The following SLC16A9 variants were observed in gnomAD, a reference collection of about 807,000 sequenced individuals.
SLC16A9 encodes the protein solute carrier family 16 member 9, also known as monocarboxylate transporter 9.
SLC16A9 carries 26 observed loss-of-function variants against 44.3 expected under a neutral mutation model. The observed-to-expected ratio is 0.59, with a 90% confidence interval of 0.43 to 0.81. SLC16A9 has a LOEUF of 0.81. Among genes scored for constraint, SLC16A9 ranks in the 40% least tolerant of loss-of-function variants. The pLI, the probability that SLC16A9 is intolerant of heterozygous loss-of-function variation, is 0.00. For synonymous variants in SLC16A9, 230 were observed against 225.1 expected (o/e 1.02, Z -0.19); for missense variants, 559 against 595.8 (o/e 0.94, Z 0.64).
At chr10:59,689,199 C>A (rs1257364723) in intron 1 of SLC16A9, among the ~76,000 whole-genome samples, 1 of 152,134 alleles carries the variant, frequency 6.6e-6, no homozygotes, top group East Asian at 1.9e-4. Flanking sequence ...GTTAAAACTA[C>A]CATTGAGTGA....
At chr10:59,705,754 T>C (rs1457321958) in intron 1 of SLC16A9, among the ~76,000 whole-genome samples, 1 of 152,198 alleles carries the variant, frequency 6.6e-6, no homozygotes, top group Non-Finnish European at 1.5e-5. Context: ...GAAGTGAATA[T>C]TGAGATTTTA....
intron 1 of SLC16A9, among the ~76,000 whole-genome samples, chr10:59,707,184 C>T (rs369148668): frequency 4.9e-5 from 7 of 142,962 alleles, no homozygotes; most frequent in African/African-American, 1.8e-4. Context: ...CTGGTGAAGT[C>T]GAGGCTGCAG....
Position 59,684,075 on chromosome 10 carries a change from G to A in SLC16A9, c.196+21C>T, listed in dbSNP as rs772422469. ...ATTAAATGATTAAAGAGTAAAGAGA[G>A]GCATTAATTTATCCACTTACTTGCA... On this transcript the variant is annotated intron_variant, in intron 2 of 5. Coordinates refer to ENST00000395348, the MANE Select transcript of SLC16A9 (RefSeq NM_194298.3). 6.3e-6 allele frequency: 10 copies of A among 1,590,722 alleles called. No homozygotes were observed. In the South Asian group the frequency reaches 1.1e-4, roughly 18 times the overall value.
chr10:59,695,982 G>C (rs1221637564), intron 1 of SLC16A9, among the ~76,000 whole-genome samples: 1 of 152,122 alleles, frequency 6.6e-6, no homozygotes, highest in Non-Finnish European at 1.5e-5. Context: ...CATTTCTCTA[G>C]CATCTGGTTC....
intron 4 of SLC16A9, among the ~76,000 whole-genome samples, chr10:59,660,315 G>A (rs975302713): frequency 2.6e-5 from 4 of 151,910 alleles, no homozygotes; most frequent in Non-Finnish European, 5.9e-5. Flanking sequence ...AATGATAAAG[G>A]GGAGATCACC....
At chr10:59,660,366 T>A (rs1485704865) in intron 4 of SLC16A9, among the ~76,000 whole-genome samples, 1 of 152,082 alleles carries the variant, frequency 6.6e-6, no homozygotes, top group Non-Finnish European at 1.5e-5. Context: ...GAGAATACTA[T>A]AAACACCTCT....
chr10:59,662,476 A>G (rs769877398), intron 4 of SLC16A9, among the ~76,000 whole-genome samples: 59 of 151,842 alleles, frequency 3.9e-4, no homozygotes, highest in Non-Finnish European at 1.0e-4. Flanking sequence ...CTCTACTAAA[A>G]ATACAAAAAT....
In SLC16A9 at chr10:59,652,637, T is replaced by C; in HGVS notation, c.*135A>G. 3 of 722,096 alleles carry C rather than the reference T, an allele frequency of 4.2e-6. No homozygotes were observed. The highest frequency in any genetic ancestry group is 4.0e-4 in the Middle Eastern group (1 of 2,514). The allele number at this position is 722,096 out of a possible 1,614,324, so 44.7% of individuals were successfully genotyped here. A position where few individuals can be genotyped will look rare whatever the true frequency, so the allele number is the denominator to read the frequency against. Reference sequence around the variant, plus strand: ...AAATAGGATATATAAAAAAAAATAATTCATTCAGAGTCAGTCATTGTGAAA... The same window carrying C: ...AAATAGGATATATAAAAAAAAATAACTCATTCAGAGTCAGTCATTGTGAAA... On this transcript the variant is annotated 3_prime_UTR_variant, in exon 6 of 6. Transcript: ENST00000395348.
intron 4 of SLC16A9, among the ~76,000 whole-genome samples, chr10:59,656,589 T>C (rs1839353499): frequency 6.6e-6 from 1 of 151,844 alleles, no homozygotes; most frequent in African/African-American, 2.4e-5. Context: ...AGATACAGGA[T>C]TTTTTTCCCC....
chr10:59,653,382 C>CGCAATT (rs541455747), intron 5 of SLC16A9, among the ~76,000 whole-genome samples: 7 of 130,000 alleles, frequency 5.4e-5, no homozygotes, highest in Non-Finnish European at 9.4e-5. Flanking sequence ...GCCGAGATCA[C>CGCAATT]GCAATTGCAC....
At chr10:59,684,399 T>C in intron 1 of SLC16A9, 72 bp from the exon 2 acceptor site, 1 of 710,292 alleles carries the variant, frequency 1.4e-6, no homozygotes, top group Admixed American at 3.7e-5. Flanking sequence ...GGTAAAAATA[T>C]CTCCTCCTAA....
intron 1 of SLC16A9, among the ~76,000 whole-genome samples, chr10:59,696,748 C>T (rs1840389469): frequency 6.6e-6 from 1 of 151,602 alleles, no homozygotes; most frequent in South Asian, 2.1e-4. Flanking sequence ...TGTCTCTGCC[C>T]GGCCGCCCCG....
intron 1 of SLC16A9, among the ~76,000 whole-genome samples, chr10:59,701,298 AG>A (rs1439351472): frequency 6.6e-6 from 1 of 152,178 alleles, no homozygotes; most frequent in Non-Finnish European, 1.5e-5. Flanking sequence ...AACTGCCTAC[AG>A]GTGGATCCCT....
intron 4 of SLC16A9, among the ~76,000 whole-genome samples, chr10:59,660,681 C>T (rs1183128265): frequency 6.6e-6 from 1 of 152,154 alleles, no homozygotes; most frequent in East Asian, 1.9e-4. Flanking sequence ...GATACCAAAA[C>T]CTGGCAGAAA....
chr10:59,696,338 G>A (rs1460076602), intron 1 of SLC16A9, among the ~76,000 whole-genome samples: 1 of 152,208 alleles, frequency 6.6e-6, no homozygotes, highest in African/African-American at 2.4e-5. Context: ...GCTCCTAACC[G>A]CGAGTGATCC....
chr10:59,689,743 G>A (rs1840212437), intron 1 of SLC16A9, among the ~76,000 whole-genome samples: 1 of 152,198 alleles, frequency 6.6e-6, no homozygotes, highest in African/African-American at 2.4e-5. Flanking sequence ...TGAGTATGCA[G>A]TAATTTCAAG....
chr10:59,683,812 G>A (rs575288145), intron 2 of SLC16A9, among the ~76,000 whole-genome samples: 1 of 152,280 alleles, frequency 6.6e-6, no homozygotes, highest in African/African-American at 2.4e-5. Context: ...CCATGTGTTT[G>A]CTGTTTATCT....
At chr10:59,681,211 G>A (rs1225350292) in intron 2 of SLC16A9, among the ~76,000 whole-genome samples, 1 of 151,928 alleles carries the variant, frequency 6.6e-6, no homozygotes, top group Non-Finnish European at 1.5e-5. Flanking sequence ...TCTCTGTAGA[G>A]CAAAGTTGTC....
chr10:59,686,847 A>C (rs184204666), intron 1 of SLC16A9, among the ~76,000 whole-genome samples: 1 of 152,218 alleles, frequency 6.6e-6, no homozygotes, highest in Non-Finnish European at 1.5e-5. Flanking sequence ...AGATGAAAAC[A>C]TCTTAATTCA....
Sources: gnomAD v4.1 joint callset for allele counts (sites outside exome capture counted in the v4.1 genomes callset) on GRCh38, gnomAD v4.1.1 for gene constraint, MANE v1.5 for transcripts, NCBI Gene and HGNC (gene_info 2026-07-23, HGNC 2026-07-21) for gene names.